The following SLC25A21 variants were observed in gnomAD, a reference collection of about 807,000 sequenced individuals.
The protein encoded by SLC25A21 is solute carrier family 25 member 21.
Under a neutral mutation model 43.8 loss-of-function variants are expected in SLC25A21, and 47 were observed. That is an observed-to-expected ratio of 1.07 (90% CI 0.85 to 1.37). The LOEUF (loss-of-function observed/expected upper bound fraction) is 1.37. SLC25A21 is among the 40% of genes most tolerant of loss of function. The pLI, the probability that SLC25A21 is intolerant of heterozygous loss-of-function variation, is 0.00. For synonymous variants in SLC25A21, 131 were observed against 121.3 expected, an observed-to-expected ratio of 1.08 and a Z score of -0.52; for missense variants, 352 against 350.2, an observed-to-expected ratio of 1.00 and a Z score of -0.04.
At chr14:37,020,222 A>C in intron 1 of SLC25A21, among the ~76,000 whole-genome samples, 1 of 151,942 alleles carries the variant, frequency 6.6e-6, no homozygotes. Flanking sequence ...TAATAAAAAA[A>C]GTTTGAGGAT....
At chr14:36,985,977 C>G (rs1960137173) in intron 1 of SLC25A21, among the ~76,000 whole-genome samples, 1 of 152,092 alleles carries the variant, frequency 6.6e-6, no homozygotes, top group Non-Finnish European at 1.5e-5. Context: ...TATGGCCTTA[C>G]TATTTAATAT....
chr14:36,703,999 A>G (rs1419834124), intron 7 of SLC25A21, among the ~76,000 whole-genome samples: 1 of 152,182 alleles, frequency 6.6e-6, no homozygotes, highest in African/African-American at 2.4e-5. Flanking sequence ...TTACTACAAG[A>G]TGTAAATGAA....
chr14:36,962,851 C>A (rs1304481264), intron 1 of SLC25A21, among the ~76,000 whole-genome samples: 2 of 152,126 alleles, frequency 1.3e-5, no homozygotes, highest in East Asian at 3.9e-4. Flanking sequence ...TTAGACATAC[C>A]AAACACATGA....
Position 36,932,769 on chromosome 14 carries a change from C to G in SLC25A21, c.71-57765G>C, listed in dbSNP as rs113876083. Among the ~76,000 whole-genome samples, 284 of 151,836 alleles carry G rather than the reference C, an allele frequency of 1.9e-3. 2 individuals carry two copies. The highest frequency in any genetic ancestry group is 6.3e-3 in the African/African-American group (262 of 41,374). ...ATAGTATATAGCAAGGCAACAAAGT[C>G]CCCCGAGAAGGGAAGGCAGGAAAAC... is the stretch of plus-strand genomic sequence containing the variant. On this transcript the variant is annotated intron_variant, in intron 1 of 9. Transcript: ENST00000331299.
chr14:37,060,605 C>CCACACACA (rs10560891), intron 1 of SLC25A21, among the ~76,000 whole-genome samples: 391 of 149,176 alleles, frequency 2.6e-3, no homozygotes, highest in African/African-American at 8.0e-3. Context: ...CCATTAAACA[C>CCACACACA]CACACACACA....
intron 2 of SLC25A21, among the ~76,000 whole-genome samples, chr14:36,861,784 T>C (rs17105558): frequency 0.15 from 22,078 of 152,190 alleles, 1,840 homozygotes; most frequent in Middle Eastern, 0.22. Flanking sequence ...TAATCTCAGA[T>C]AGACCTTGAA....
intron 6 of SLC25A21, among the ~76,000 whole-genome samples, chr14:36,717,429 G>A (rs1566532782): frequency 6.6e-6 from 1 of 152,232 alleles, no homozygotes; most frequent in Non-Finnish European, 1.5e-5. Context: ...AACAACCGGT[G>A]AGTGGAGAAG....
At chr14:37,167,162 G>A (rs1964043031) in intron 1 of SLC25A21, among the ~76,000 whole-genome samples, 1 of 152,114 alleles carries the variant, frequency 6.6e-6, no homozygotes, top group African/African-American at 2.4e-5. Context: ...TAAATTGAGG[G>A]CATATAACAG....
At chr14:37,101,807 T>G (rs547027582) in intron 1 of SLC25A21, among the ~76,000 whole-genome samples, 14 of 152,246 alleles carry the variant, frequency 9.2e-5, no homozygotes, top group African/African-American at 3.4e-4. Flanking sequence ...AATGTTAACA[T>G]TTTAGTTGTG....
rs1213150423 is a variant in SLC25A21, at chr14:36,764,083, G to GAAAGAAAGAAAGAAAGAAA, written c.204-29511_204-29510insTTTCTTTCTTTCTTTCTTT. Among the ~76,000 whole-genome samples the GAAAGAAAGAAAGAAAGAAA allele has an allele frequency of 1.2e-3, 23 of 19,720 alleles. 1 individual carries two copies. In the East Asian group the frequency reaches 0.015, roughly 13 times the overall value. The allele number at this position is 19,720 out of a possible 152,430, so 12.9% of individuals were successfully genotyped here. A position where few individuals can be genotyped will look rare whatever the true frequency, so the allele number is the denominator to read the frequency against. On this transcript the variant is annotated intron_variant, in intron 3 of 9. Coordinates refer to ENST00000331299, the MANE Select transcript of SLC25A21 (RefSeq NM_030631.4). Reference sequence around the variant, plus strand: ...AAGAAAGAAAGAAAGAAAGAAAGAAGGAAGGAAGGAAGGAAGGAAGGAAGG... The same window carrying GAAAGAAAGAAAGAAAGAAA: ...AAGAAAGAAAGAAAGAAAGAAAGAAGAAAGAAAGAAAGAAAGAAAGAAGGAAGGAAGGAAGGAAGGAAGG...
At chr14:36,782,838 A>G (rs1887114427) in intron 3 of SLC25A21, among the ~76,000 whole-genome samples, 1 of 150,612 alleles carries the variant, frequency 6.6e-6, no homozygotes, top group Non-Finnish European at 1.5e-5. Flanking sequence ...GCATTGGGAG[A>G]TATACCTAAT....
In SLC25A21 at chr14:37,047,242, C is replaced by T. The variant is rs1038854604; in HGVS notation, c.70+125039G>A. Among the ~76,000 whole-genome samples, 5 of 152,124 alleles carry T rather than the reference C, an allele frequency of 3.3e-5. No homozygotes were observed. In the East Asian group the frequency reaches 5.8e-4, roughly 18 times the overall value. On this transcript the variant is annotated intron_variant, in intron 1 of 9. Coordinates refer to ENST00000331299, the MANE Select transcript of SLC25A21 (RefSeq NM_030631.4). ...GTGAAATTTAAAAGGGTATACTGCA[C>T]GCTGAAGGGAACATGGACTGGGTGT...
At chr14:36,912,681 G>A (rs1891725303) in intron 1 of SLC25A21, among the ~76,000 whole-genome samples, 1 of 152,148 alleles carries the variant, frequency 6.6e-6, no homozygotes, top group South Asian at 2.1e-4. Flanking sequence ...TCTTTCACGT[G>A]GGTAAAAGTT....
Position 36,734,591 on chromosome 14 carries a change from G to T in SLC25A21, c.204-18C>A, listed in dbSNP as rs1369396860. On this transcript the variant is annotated intron_variant, in intron 3 of 9. Transcript: ENST00000331299. The stretch of plus-strand genomic sequence containing the variant: ...CAAATAACCTGTTGGAGAAATAAAA[G>T]ATTTCCTATGAGTAAGGAAATTAGG... 6 of 1,578,912 alleles carry T rather than the reference G, an allele frequency of 3.8e-6. No individual in the cohort carries two copies. Among genetic ancestry groups the T allele is most frequent in the East Asian group, 2.3e-5 (1 of 44,008 alleles).
chr14:37,122,889 C>T (rs1192963077), intron 1 of SLC25A21, among the ~76,000 whole-genome samples: 1 of 152,106 alleles, frequency 6.6e-6, no homozygotes, highest in Non-Finnish European at 1.5e-5. Flanking sequence ...CCTCCTTTTG[C>T]AACACAATTT....
chr14:37,163,322 A>ACTTTTAAAT (rs1963980719), intron 1 of SLC25A21, among the ~76,000 whole-genome samples: 1 of 151,390 alleles, frequency 6.6e-6, no homozygotes, highest in Non-Finnish European at 1.5e-5. Context: ...ATAAATAAAA[A>ACTTTTAAAT]GAAATTTCTG....
intron 1 of SLC25A21, among the ~76,000 whole-genome samples, chr14:37,060,801 T>A (rs1961932380): frequency 6.6e-6 from 1 of 152,094 alleles, no homozygotes; most frequent in African/African-American, 2.4e-5. Flanking sequence ...AAAAAGAGTA[T>A]TATTTAAAAA....
chr14:37,048,203 T>C (rs551781685), intron 1 of SLC25A21, among the ~76,000 whole-genome samples: 22 of 152,208 alleles, frequency 1.4e-4, no homozygotes, highest in African/African-American at 3.9e-4. Context: ...AAGAAAAACG[T>C]TGAGAAAAAA....
intron 6 of SLC25A21, among the ~76,000 whole-genome samples, chr14:36,724,436 A>C (rs1302633171): frequency 2.0e-5 from 3 of 152,232 alleles, no homozygotes; most frequent in Admixed American, 2.0e-4. Context: ...GCAGCTGCTT[A>C]TGCAGTAGGC....
Sources: gnomAD v4.1 joint callset for allele counts (sites outside exome capture counted in the v4.1 genomes callset) on GRCh38, gnomAD v4.1.1 for gene constraint, MANE v1.5 for transcripts, NCBI Gene and HGNC (gene_info 2026-07-23, HGNC 2026-07-21) for gene names.